MKKS: variants seen among roughly 807,000 people sequenced by gnomAD.
The protein encoded by MKKS is MKKS centrosomal shuttling protein.
MKKS carries 29 observed loss-of-function variants against 33.2 expected under a neutral mutation model. The ratio of observed to expected loss-of-function variants is 0.87; its 90% confidence interval spans 0.65 to 1.19. The LOEUF (loss-of-function observed/expected upper bound fraction) is 1.19. MKKS is among the 50% of genes most tolerant of loss of function. The pLI is 0.00. For synonymous variants in MKKS, 260 were observed against 244.0 expected, an observed-to-expected ratio of 1.07 and a Z score of -0.61; for missense variants, 661 against 662.3, an observed-to-expected ratio of 1.00 and a Z score of 0.02.
intron 2 of MKKS, among the ~76,000 whole-genome samples, chr20:10,417,671 TA>T (rs5840374): frequency 0.8 from 120,507 of 150,456 alleles, 48,577 homozygotes; most frequent in African/African-American, 0.88. Flanking sequence ...GCCTTCTCTG[TA>T]AAAAAAAAAA....
chr20:10,424,561 C>T (rs968536946), intron 1 of MKKS, among the ~76,000 whole-genome samples: 2 of 151,544 alleles, frequency 1.3e-5, no homozygotes, highest in South Asian at 2.1e-4. Context: ...ACCTTACTAG[C>T]AAAGCTCATT....
At chr20:10,406,368 G>T (rs2064844508) in intron 5 of MKKS, among the ~76,000 whole-genome samples, 1 of 152,128 alleles carries the variant, frequency 6.6e-6, no homozygotes, top group African/African-American at 2.4e-5. Context: ...GGTCCCATAA[G>T]ATTATAAGGC....
intron 3 of MKKS, among the ~76,000 whole-genome samples, chr20:10,410,274 CAT>C (rs2064873509): frequency 6.6e-6 from 1 of 152,108 alleles, no homozygotes; most frequent in African/African-American, 2.4e-5. Flanking sequence ...GCCTCCCTCA[CAT>C]GAGAGGCAAG....
Position 10,405,347 on chromosome 20 carries a change from G to T in MKKS, c.1613C>A (p.Thr538Asn). The change falls in exon 6 of 6, where the codon ACC becomes AAC. Residue 538 changes from threonine (T) to asparagine (N), a missense_variant. Coordinates refer to ENST00000347364, the MANE Select transcript of MKKS (RefSeq NM_170784.3). ...HEAVGSASNL[T>N]LDCLTAKLSG... ...AAGCTTTGCAGTCAAACAGTCCAAG[G>T]TCAGGTTGCTGGCTGAGCCCACAGC... The T allele has an allele frequency of 1.2e-6, 2 of 1,614,178 alleles. No homozygotes were observed. The highest frequency in any genetic ancestry group is 1.7e-5 in the Admixed American group (1 of 60,016).
chr20:10,424,406 CAT>C (rs1262776292), intron 1 of MKKS, among the ~76,000 whole-genome samples: 2 of 151,920 alleles, frequency 1.3e-5, no homozygotes, highest in Non-Finnish European at 2.9e-5. Flanking sequence ...AAAGAAAAAA[CAT>C]ATATTTTTAA....
intron 3 of MKKS, among the ~76,000 whole-genome samples, chr20:10,411,744 A>G (rs2064889184): frequency 6.6e-6 from 1 of 152,240 alleles, no homozygotes; most frequent in Non-Finnish European, 1.5e-5. Context: ...AATGCAGACT[A>G]AATGATCATC....
chr20:10,407,723 T>C lies in MKKS; in HGVS notation c.1165A>G (p.Thr389Ala). ...AGGACATGCAGTGCCGTCTGACACG[T>C]GAGCTAAGAAAAAACCCAAATCATC... ...NDTAWDELKL[T>A]CQTALHVLQL... The change falls in exon 5 of 6, where the codon ACG (threonine) becomes GCG (alanine). Residue 389 changes from threonine (T) to alanine (A), a missense_variant. Physicochemically the swap from Thr to Ala is moderately conservative, Grantham distance 58. Coordinates refer to ENST00000347364, the MANE Select transcript of MKKS (RefSeq NM_170784.3). The C allele has an allele frequency of 6.2e-7, 1 of 1,613,094 alleles. No homozygotes were observed. The highest frequency in any genetic ancestry group is 8.5e-7 in the Non-Finnish European group (1 of 1,179,376).
intron 4 of MKKS, among the ~76,000 whole-genome samples, chr20:10,408,401 C>A (rs1404027486): frequency 1.3e-5 from 2 of 152,110 alleles, no homozygotes; most frequent in African/African-American, 4.8e-5. Flanking sequence ...ATGTCAAGGG[C>A]CTTTTAGGTT....
Position 10,412,884 on chromosome 20 carries a change from C to T in MKKS, c.631G>A (p.Asp211Asn). Residue 211 changes from aspartate (D) to asparagine (N), a missense_variant, in exon 3 of 6, where the codon GAT (aspartate) becomes AAT (asparagine). Coordinates refer to ENST00000347364, the MANE Select transcript of MKKS (RefSeq NM_170784.3). Reference sequence around the variant, plus strand: ...AGTATCCCAGGTAATACAGTGGAATCTATAACTCTTTGACCTTTTAAAGGT... The same window carrying T: ...AGTATCCCAGGTAATACAGTGGAATTTATAACTCTTTGACCTTTTAAAGGT... ...IVPLKGQRVI[D>N]STVLPGILIE... 6.2e-7 allele frequency: 1 copy of T among 1,614,054 alleles called. No homozygotes were observed. The highest frequency in any genetic ancestry group is 8.5e-7 in the Non-Finnish European group (1 of 1,179,980).
chr20:10,423,197 G>A (rs953665929), intron 1 of MKKS, among the ~76,000 whole-genome samples: 5 of 152,054 alleles, frequency 3.3e-5, no homozygotes, highest in African/African-American at 1.2e-4. Context: ...CTAACACTTC[G>A]GGAGCCTGAG....
chr20:10,415,652 A>G (rs934226661), intron 2 of MKKS, among the ~76,000 whole-genome samples: 2 of 152,240 alleles, frequency 1.3e-5, no homozygotes, highest in Non-Finnish European at 2.9e-5. Context: ...GAAACCTCAC[A>G]AAGTGACTTC....
intron 2 of MKKS, among the ~76,000 whole-genome samples, chr20:10,414,777 G>C (rs1176875083): frequency 2.0e-5 from 3 of 152,100 alleles, no homozygotes; most frequent in Non-Finnish European, 2.9e-5. Flanking sequence ...TCTATATTTA[G>C]CTGAATAATT....
intron 4 of MKKS, among the ~76,000 whole-genome samples, chr20:10,408,293 T>C (rs6104602): frequency 0.14 from 20,655 of 152,168 alleles, 1,522 homozygotes; most frequent in East Asian, 0.24. Context: ...AAGTGGATGA[T>C]GGGTATTGAC....
intron 4 of MKKS, 125 bp downstream of exon 4, chr20:10,408,503 T>C: frequency 2.2e-6 from 2 of 915,296 alleles, no homozygotes; most frequent in Non-Finnish European, 3.5e-6. Flanking sequence ...TGACTTTGCA[T>C]CAATCATTTT....
intron 1 of MKKS, among the ~76,000 whole-genome samples, chr20:10,423,698 G>T (rs1444588101): frequency 6.6e-6 from 1 of 152,114 alleles, no homozygotes; most frequent in Non-Finnish European, 1.5e-5. Flanking sequence ...AAAGATAAAA[G>T]AAATGCTCAA....
intron 3 of MKKS, 40 bp from the exon 4 acceptor site, chr20:10,408,843 A>G: frequency 1.4e-6 from 2 of 1,479,152 alleles, no homozygotes; most frequent in Non-Finnish European, 9.4e-7. Context: ...TGTATAAGCA[A>G]AAGTGGAGCA....
In MKKS at chr20:10,407,554, T is replaced by C. The variant is rs868243063; in HGVS notation, c.1272+62A>G. Reference sequence around the variant, plus strand: ...TATAGGATATTATGATTTTGGCTTATTATCTCAGAAAACAAAAGTTGCTGA... The same window carrying C: ...TATAGGATATTATGATTTTGGCTTACTATCTCAGAAAACAAAAGTTGCTGA... On this transcript the variant is annotated intron_variant, in intron 5 of 5. Coordinates refer to ENST00000347364, the MANE Select transcript of MKKS (RefSeq NM_170784.3). 46 of 1,422,650 alleles carry C rather than the reference T, an allele frequency of 3.2e-5. 2 individuals carry two copies. In the South Asian group the frequency reaches 4.9e-4, roughly 15 times the overall value. The allele number at this position is 1,422,650 out of a possible 1,614,324, so 88.1% of individuals were successfully genotyped here.
Position 10,412,986 on chromosome 20 carries a change from A to C in MKKS, c.529T>G (p.Leu177Val), listed in dbSNP as rs1203412687. ...TRKETEHVSA[L>V]ILRAFLLTIP... ...GTAAGCAAAAAGGCTCTCAGGATCA[A>C]AGCACTGACATGCTCTGTTTCCTTT... Residue 177 changes from leucine to valine, a missense_variant, in exon 3 of 6, where the codon TTG becomes GTG. Coordinates refer to ENST00000347364, the MANE Select transcript of MKKS (RefSeq NM_170784.3). The C allele has an allele frequency of 6.2e-7, 1 of 1,614,132 alleles. No homozygotes were observed. The highest frequency in any genetic ancestry group is 2.2e-5 in the East Asian group (1 of 44,878).
At chr20:10,409,171 T>C (rs922664311) in intron 3 of MKKS, among the ~76,000 whole-genome samples, 1 of 152,018 alleles carries the variant, frequency 6.6e-6, no homozygotes, top group Non-Finnish European at 1.5e-5. Context: ...ACTTCACTAA[T>C]TTGGATTACG....
Sources: gnomAD v4.1 joint callset for allele counts (sites outside exome capture counted in the v4.1 genomes callset) on GRCh38, gnomAD v4.1.1 for gene constraint, MANE v1.5 for transcripts, NCBI Gene and HGNC (gene_info 2026-07-23, HGNC 2026-07-21) for gene names.